Variants in DHX57 observed in about 807,000 individuals in gnomAD.
DHX57 encodes putative ATP-dependent RNA helicase DHX57.
In DHX57, 105 loss-of-function variants were observed where a neutral mutation model predicts 156.2. The observed-to-expected ratio is 0.67, with a 90% CI of 0.57 to 0.79. The LOEUF is 0.79. Ranked by LOEUF, DHX57 falls within the 30% of genes least tolerant of loss-of-function variation. DHX57 has a pLI of 0.00. For missense variants in DHX57, 1,847 were observed against 1,661.9 expected (o/e 1.11, Z -1.94); for synonymous variants, 704 against 595.6 (o/e 1.18, Z -2.65).
At chr2:38,848,178 A>G (rs1672388670) in intron 10 of DHX57, 91 bp downstream of exon 10, 1 of 1,258,488 alleles carries the variant, frequency 7.9e-7, no homozygotes, top group Admixed American at 2.5e-5. Flanking sequence ...TTCTCTAGAA[A>G]GAGGTATAAA....
chr2:38,859,967 A>G (rs1673105278), intron 5 of DHX57, among the ~76,000 whole-genome samples: 1 of 151,962 alleles, frequency 6.6e-6, no homozygotes, highest in South Asian at 2.1e-4. Context: ...GTGCACAACC[A>G]TGGCTGACTA....
At chr2:38,847,922 A>T (rs1235353476) in intron 10 of DHX57, among the ~76,000 whole-genome samples, 4 of 152,050 alleles carry the variant, frequency 2.6e-5, no homozygotes, top group Non-Finnish European at 4.4e-5. Context: ...TCTCTACTAA[A>T]AATACAAAAA....
intron 13 of DHX57, among the ~76,000 whole-genome samples, chr2:38,836,644 C>G (rs546983843): frequency 1.5e-4 from 23 of 151,920 alleles, no homozygotes; most frequent in Admixed American, 3.3e-4. Flanking sequence ...CGTGGAGGTG[C>G]ACACCTGTAG....
intron 9 of DHX57, among the ~76,000 whole-genome samples, chr2:38,850,269 T>G (rs1429619594): frequency 6.6e-6 from 1 of 152,118 alleles, no homozygotes; most frequent in East Asian, 1.9e-4. Context: ...GACTTTCACT[T>G]TATCTATAAC....
intron 2 of DHX57, among the ~76,000 whole-genome samples, chr2:38,866,932 T>C (rs1665106834): frequency 6.6e-6 from 1 of 152,168 alleles, no homozygotes; most frequent in African/African-American, 2.4e-5. Context: ...TACAGTAATA[T>C]CCCTAGGCCT....
Position 38,868,412 on chromosome 2 carries a change from C to T in DHX57, c.-6-1G>A. The T allele has an allele frequency of 6.2e-7, 1 of 1,611,380 alleles. No homozygotes were observed. Among genetic ancestry groups the T allele is most frequent in the Non-Finnish European group, 8.5e-7 (1 of 1,179,756 alleles). ...TTCTTACTGAAGAACTCATTTTCAC[C>T]TGCAAGAGAAAAAAATTAATGTAGA... On this transcript the variant is annotated splice_acceptor_variant, in intron 1 of 23. Transcript: ENST00000457308. LOFTEE classifies it low-confidence loss of function (5UTR_SPLICE).
At chr2:38,818,398 G>T (rs1458619377) in intron 19 of DHX57, among the ~76,000 whole-genome samples, 1 of 152,102 alleles carries the variant, frequency 6.6e-6, no homozygotes, top group Non-Finnish European at 1.5e-5. Context: ...ATGGTGGCAT[G>T]TGCCTGTCGT....
intron 10 of DHX57, 152 bp downstream of exon 10, chr2:38,848,117 C>T: frequency 1.2e-6 from 1 of 840,178 alleles, no homozygotes; most frequent in Non-Finnish European, 1.7e-6. Context: ...TATGTTACCT[C>T]CTTATCAGCT....
chr2:38,802,642 T>G (rs1334988698), intron 23 of DHX57, 73 bp downstream of exon 23: 1 of 1,577,946 alleles, frequency 6.3e-7, no homozygotes, highest in African/African-American at 1.3e-5. Context: ...GGAATGCCCT[T>G]GACTTCATAA....
At chr2:38,798,671 C>T (rs766082209) in intron 23 of DHX57, among the ~76,000 whole-genome samples, 7 of 152,316 alleles carry the variant, frequency 4.6e-5, no homozygotes, top group South Asian at 4.1e-4. Flanking sequence ...TCGGGCCAGG[C>T]GCAGTGGCTC....
chr2:38,802,351 G>A (rs909578616), intron 23 of DHX57, among the ~76,000 whole-genome samples: 1 of 150,168 alleles, frequency 6.7e-6, no homozygotes, highest in Admixed American at 6.7e-5. Context: ...GCAATGGCAC[G>A]ATCTCGGCTC....
chr2:38,836,378 T>C (rs2124852464), intron 13 of DHX57, among the ~76,000 whole-genome samples: 3 of 152,326 alleles, frequency 2.0e-5, no homozygotes, highest in Middle Eastern at 6.8e-3. Flanking sequence ...ATGAAGACCT[T>C]TATGATAATC....
chr2:38,826,178 T>G (rs78392583), intron 15 of DHX57, 131 bp from the exon 16 acceptor site: 1 of 990,072 alleles, frequency 1.0e-6, no homozygotes, highest in African/African-American at 1.6e-5. Context: ...TCTGGGATAG[T>G]TGAGCCCCTG....
chr2:38,866,495 A>G (rs1461757798), intron 2 of DHX57, among the ~76,000 whole-genome samples: 1 of 152,110 alleles, frequency 6.6e-6, no homozygotes, highest in Non-Finnish European at 1.5e-5. Context: ...CTATTTTGGT[A>G]TTTTATATCC....
chr2:38,854,186 A>C lies in DHX57; in HGVS notation c.1906-8T>G. ...CAGTCTGGTGGCTGAGGACTTACAC[A>C]TGAAAGGGCAATATAAATCATTAAT... is the stretch of plus-strand genomic sequence containing the variant. On this transcript the variant is annotated splice_polypyrimidine_tract_variant and splice_region_variant and intron_variant, in intron 8 of 23. Transcript: ENST00000457308. 4 of 1,612,184 alleles carry C rather than the reference A, an allele frequency of 2.5e-6. No individual in the cohort carries two copies. The highest frequency in any genetic ancestry group is 1.7e-6 in the Non-Finnish European group (2 of 1,179,246).
At chr2:38,846,351 G>C (rs977796250) in intron 11 of DHX57, among the ~76,000 whole-genome samples, 2 of 152,104 alleles carry the variant, frequency 1.3e-5, no homozygotes, top group African/African-American at 4.8e-5. Context: ...GCCAGGCATG[G>C]TGGCTCATGA....
At chr2:38,808,371 A>G (rs1292494652) in intron 21 of DHX57, among the ~76,000 whole-genome samples, 2 of 152,226 alleles carry the variant, frequency 1.3e-5, no homozygotes, top group Non-Finnish European at 1.5e-5. Context: ...TGTCTTGAAA[A>G]TAAACATGTC....
intron 22 of DHX57, 33 bp from the exon 23 acceptor site, chr2:38,802,948 T>C (rs748353770): frequency 7.4e-5 from 120 of 1,611,908 alleles, no homozygotes; most frequent in Non-Finnish European, 9.7e-5. Context: ...ATGACAGTGA[T>C]GTCACTGGCA....
chr2:38,863,587 G>T lies in DHX57; in HGVS notation c.225-68C>A, dbSNP rs1323826954. The T allele has an allele frequency of 4.0e-6, 6 of 1,483,660 alleles. No individual in the cohort carries two copies. The East Asian group carries it at 9.1e-5, about 22-fold the overall frequency. 91.9% of individuals were successfully genotyped at this position (1,483,660 alleles called of 1,614,324 possible). A position where few individuals can be genotyped will look rare whatever the true frequency, so the allele number is the denominator to read the frequency against. ...CAGAACTTTTACACTCTCCTCAGGGGTCCCCAGATATACACAATACAAACT... is the reference window on the plus strand; with the variant it reads ...CAGAACTTTTACACTCTCCTCAGGGTTCCCCAGATATACACAATACAAACT... On this transcript the variant is annotated intron_variant, in intron 2 of 23. Coordinates refer to ENST00000457308, the MANE Select transcript of DHX57 (RefSeq NM_198963.3).
Sources: gnomAD v4.1 joint callset for allele counts (sites outside exome capture counted in the v4.1 genomes callset) on GRCh38, gnomAD v4.1.1 for gene constraint, MANE v1.5 for transcripts, NCBI Gene and HGNC (gene_info 2026-07-23, HGNC 2026-07-21) for gene names.